The following ZDHHC20 variants were observed in gnomAD, a reference collection of about 807,000 sequenced individuals.
ZDHHC20 encodes the protein zDHHC palmitoyltransferase 20.
In ZDHHC20, 43 loss-of-function variants were observed where a neutral mutation model predicts 57.8. The ratio of observed to expected loss-of-function variants is 0.74; its 90% CI spans 0.58 to 0.96. The LOEUF (loss-of-function observed/expected upper bound fraction) is 0.96. Ranked by LOEUF, ZDHHC20 falls within the 40% of genes least tolerant of loss-of-function variation. The probability of loss-of-function intolerance (pLI) is 0.00; values close to 1 mark genes in which losing one functional copy is unlikely to be tolerated. For synonymous variants in ZDHHC20, 157 were observed against 153.0 expected (o/e 1.03, Z -0.19); for missense variants, 391 against 441.1 (o/e 0.89, Z 1.02).
chr13:21,426,370 A>G (rs192576899), intron 1 of ZDHHC20, among the ~76,000 whole-genome samples: 69 of 152,210 alleles, frequency 4.5e-4, no homozygotes, highest in Non-Finnish European at 2.1e-4. Context: ...TCTCTTTATA[A>G]TATGTCACCT....
At chr13:21,445,626 T>A (rs938681412) in intron 1 of ZDHHC20, among the ~76,000 whole-genome samples, 1 of 152,204 alleles carries the variant, frequency 6.6e-6, no homozygotes, top group East Asian at 1.9e-4. Context: ...GTCTACTATA[T>A]GAAAACATTC....
intron 1 of ZDHHC20, among the ~76,000 whole-genome samples, chr13:21,454,338 AAAAC>A (rs763098908): frequency 1.3e-5 from 2 of 152,126 alleles, no homozygotes; most frequent in Non-Finnish European, 2.9e-5. Flanking sequence ...AACAAAAACA[AAAAC>A]AAAAACAAAC....
intron 4 of ZDHHC20, among the ~76,000 whole-genome samples, chr13:21,405,882 C>T (rs9285164): frequency 0.89 from 135,684 of 152,234 alleles, 60,521 homozygotes; most frequent in East Asian, 1. Context: ...TAAGTCCCTG[C>T]TTCCATAATG....
intron 1 of ZDHHC20, among the ~76,000 whole-genome samples, chr13:21,449,833 C>T (rs1426504364): frequency 2.6e-5 from 4 of 151,798 alleles, no homozygotes; most frequent in Admixed American, 2.0e-4. Flanking sequence ...GGTTTTGCCA[C>T]GTTGATGAAG....
chr13:21,410,818 G>A (rs927505919), intron 4 of ZDHHC20, among the ~76,000 whole-genome samples: 5 of 152,144 alleles, frequency 3.3e-5, no homozygotes, highest in African/African-American at 9.7e-5. Flanking sequence ...GGGATCTGCT[G>A]AGCAAGACCA....
At chr13:21,405,235 AT>A (rs1303966238) in intron 4 of ZDHHC20, among the ~76,000 whole-genome samples, 1 of 152,196 alleles carries the variant, frequency 6.6e-6, no homozygotes, top group African/African-American at 2.4e-5. Flanking sequence ...ATTAAATGTT[AT>A]TTTTAACAAA....
chr13:21,391,581 GGATT>G (rs142028859), intron 8 of ZDHHC20, 137 bp downstream of exon 8: 199,303 of 900,034 alleles, frequency 0.22, 24,218 homozygotes, highest in Non-Finnish European at 0.27. Flanking sequence ...GCAGTAGCTG[GGATT>G]ATTAGGCACG....
chr13:21,430,844 C>T (rs1465658620), intron 1 of ZDHHC20, among the ~76,000 whole-genome samples: 1 of 152,052 alleles, frequency 6.6e-6, no homozygotes, highest in Non-Finnish European at 1.5e-5. Flanking sequence ...CTGGCTTCTT[C>T]TTGATACCTT....
intron 2 of ZDHHC20, among the ~76,000 whole-genome samples, chr13:21,425,287 C>T (rs985015750): frequency 6.6e-6 from 1 of 151,938 alleles, no homozygotes; most frequent in African/African-American, 2.4e-5. Flanking sequence ...AAAATTTAGA[C>T]ATCATGAAAG....
At chr13:21,455,290 T>C (rs977348798) in intron 1 of ZDHHC20, among the ~76,000 whole-genome samples, 3 of 152,172 alleles carry the variant, frequency 2.0e-5, no homozygotes, top group Non-Finnish European at 4.4e-5. Flanking sequence ...AAAATCTCTT[T>C]AAGTTCTAAG....
chr13:21,431,812 T>TTG (rs1189231131), intron 1 of ZDHHC20, among the ~76,000 whole-genome samples: 1 of 152,256 alleles, frequency 6.6e-6, no homozygotes, highest in Non-Finnish European at 1.5e-5. Flanking sequence ...TTTAACTGTA[T>TTG]TGCTTATTGA....
chr13:21,392,197 T>C lies in ZDHHC20; in HGVS notation c.595-343A>G, dbSNP rs1303981970. On this transcript the variant is annotated intron_variant, in intron 7 of 12. Coordinates refer to ENST00000400590, the MANE Select transcript of ZDHHC20 (RefSeq NM_001330059.2). ...TTCTAGGCCATCCTGGGCAACACAG[T>C]GAGACCCTGTCTCATAAAAAAAAAA... is the stretch of plus-strand genomic sequence containing the variant. 2.7e-5 allele frequency among the ~76,000 whole-genome samples: 4 copies of C among 147,154 alleles called. No individual in the cohort carries two copies. The East Asian group carries it at 7.8e-4, about 29-fold the overall frequency.
intron 4 of ZDHHC20, among the ~76,000 whole-genome samples, chr13:21,412,620 G>A (rs1003344175): frequency 5.3e-5 from 8 of 152,062 alleles, no homozygotes; most frequent in African/African-American, 1.9e-4. Flanking sequence ...TCACTAGAAG[G>A]AAGTGAGGCC....
chr13:21,399,599 T>C (rs978251971), intron 7 of ZDHHC20, among the ~76,000 whole-genome samples: 1 of 152,168 alleles, frequency 6.6e-6, no homozygotes, highest in South Asian at 2.1e-4. Flanking sequence ...TTACTATTTG[T>C]CCATGTTATA....
chr13:21,399,140 C>T (rs150857633), intron 7 of ZDHHC20, among the ~76,000 whole-genome samples: 655 of 152,138 alleles, frequency 4.3e-3, no homozygotes, highest in African/African-American at 0.015. Flanking sequence ...GTCAGGAGCT[C>T]GAGACCAGCC....
At chr13:21,444,384 A>C (rs1479910824) in intron 1 of ZDHHC20, among the ~76,000 whole-genome samples, 2 of 152,236 alleles carry the variant, frequency 1.3e-5, no homozygotes, top group Non-Finnish European at 2.9e-5. Flanking sequence ...GTAAAACAAG[A>C]AACATAAGCA....
In ZDHHC20 at chr13:21,391,588, T is replaced by C. The variant is rs557786435; in HGVS notation, c.727+134A>G. 8 of 953,142 alleles carry C rather than the reference T, an allele frequency of 8.4e-6. No individual in the cohort carries two copies. The East Asian group carries it at 2.3e-4, about 27-fold the overall frequency. 59.0% of individuals were successfully genotyped at this position (953,142 alleles called of 1,614,324 possible). On this transcript the variant is annotated intron_variant, in intron 8 of 12. Coordinates refer to ENST00000400590, the MANE Select transcript of ZDHHC20 (RefSeq NM_001330059.2). ...CTGTCTCTGCAGTAGCTGGGATTAT[T>C]AGGCACGTGCCACCAATTCCAGAGT...
chr13:21,378,728 G>A lies in ZDHHC20; in HGVS notation c.1071C>T (p.Asn357=). The A allele has an allele frequency of 7.0e-7, 1 of 1,423,820 alleles. No homozygotes were observed. The highest frequency in any genetic ancestry group is 9.3e-7 in the Non-Finnish European group (1 of 1,072,196). The allele number at this position is 1,423,820 out of a possible 1,614,324, so 88.2% of individuals were successfully genotyped here. The part of the protein sequence containing the change: ...EEGIVKSGTN[N]HVTVAIEN ...AATTTTCTATTGCCACTGTTACATG[G>A]TTATTTGTCCCTGTAAGCATATAAT... The change falls in exon 12 of 13, where the codon AAC becomes AAT. Residue 357 remains asparagine (N), a synonymous_variant. Coordinates refer to ENST00000400590, the MANE Select transcript of ZDHHC20 (RefSeq NM_001330059.2).
rs937159447 is a variant in ZDHHC20 at position 21,375,205 on chromosome 13, A to C, written c.*1491T>G. Reference sequence around the variant, plus strand: ...AAATTAGGCATCACAGAATGTTAGAAGTCATCCAGTCCAACTTATTCACAA... The same window carrying C: ...AAATTAGGCATCACAGAATGTTAGACGTCATCCAGTCCAACTTATTCACAA... On this transcript the variant is annotated 3_prime_UTR_variant, in exon 13 of 13. Transcript: ENST00000400590. 2 of 456,380 alleles carry C rather than the reference A, an allele frequency of 4.4e-6. No homozygotes were observed. Among genetic ancestry groups the C allele is most frequent in the Middle Eastern group, 6.7e-4 (2 of 2,972 alleles). 28.3% of individuals were successfully genotyped at this position (456,380 alleles called of 1,614,324 possible).
Sources: allele counts gnomAD v4.1 joint callset (sites outside exome capture counted in the v4.1 genomes callset), GRCh38; gene constraint gnomAD v4.1.1; transcripts MANE v1.5; gene names NCBI Gene and HGNC (gene_info 2026-07-23, HGNC 2026-07-21).